GHR: variants seen among roughly 807,000 people sequenced by gnomAD.
GHR encodes the protein GH receptor.
In GHR, 35 loss-of-function variants were observed where a neutral mutation model predicts 67.1. The observed-to-expected ratio is 0.52, with a 90% CI of 0.40 to 0.69. The LOEUF (loss-of-function observed/expected upper bound fraction) is 0.69. Among genes scored for constraint, GHR ranks in the 30% least tolerant of loss-of-function variants. GHR has a pLI of 0.00. For missense variants in GHR, 792 were observed against 764.6 expected (o/e 1.04, Z -0.42); for synonymous variants, 272 against 269.1 (o/e 1.01, Z -0.10).
chr5:42,458,837 C>A (rs1744370264), intron 1 of GHR, among the ~76,000 whole-genome samples: 1 of 152,130 alleles, frequency 6.6e-6, no homozygotes, highest in African/African-American at 2.4e-5. Context: ...CATTAACAGA[C>A]ATTTTTCAAA....
intron 2 of GHR, among the ~76,000 whole-genome samples, chr5:42,571,429 C>A (rs1478709096): frequency 6.6e-6 from 1 of 152,204 alleles, no homozygotes; most frequent in East Asian, 1.9e-4. Flanking sequence ...ATCCCAAAAC[C>A]TTGACAATCC....
chr5:42,590,883 T>C (rs983561220), intron 2 of GHR, among the ~76,000 whole-genome samples: 3 of 152,208 alleles, frequency 2.0e-5, no homozygotes, highest in Non-Finnish European at 2.9e-5. Flanking sequence ...TATCCAGCTG[T>C]GCAATTGTTT....
At chr5:42,556,904 C>G (rs1749341484) in intron 1 of GHR, among the ~76,000 whole-genome samples, 1 of 152,194 alleles carries the variant, frequency 6.6e-6, no homozygotes, top group Admixed American at 6.5e-5. Context: ...GCCCCTTCTT[C>G]TTTCACTCCT....
At chr5:42,647,100 T>C (rs571234930) in intron 3 of GHR, among the ~76,000 whole-genome samples, 1 of 152,154 alleles carries the variant, frequency 6.6e-6, no homozygotes, top group South Asian at 2.1e-4. Context: ...ACTATAATTA[T>C]AGTATGTGGG....
chr5:42,499,225 T>A (rs1746437903), intron 1 of GHR, among the ~76,000 whole-genome samples: 1 of 152,168 alleles, frequency 6.6e-6, no homozygotes, highest in South Asian at 2.1e-4. Flanking sequence ...AAGAGGGCAC[T>A]TGGGACTACT....
intron 1 of GHR, among the ~76,000 whole-genome samples, chr5:42,492,315 A>T (rs1310691978): frequency 6.6e-6 from 1 of 152,234 alleles, no homozygotes; most frequent in African/African-American, 2.4e-5. Context: ...TAGGAAAGAG[A>T]TAAATAAAAT....
rs139962621 is a variant in GHR, at chr5:42,429,041, C to G, written c.-12+5086C>G. Among the ~76,000 whole-genome samples, 755 of 152,298 alleles carry G rather than the reference C, an allele frequency of 5.0e-3. 3 individuals carry two copies. Among genetic ancestry groups the G allele is most frequent in the Admixed American group, 7.7e-3 (118 of 15,294 alleles). Reference sequence around the variant, plus strand: ...TACAGCAGCACCAACTCTACCATTACCAACTTACTATATTAGCCCATTCTC... The same window carrying G: ...TACAGCAGCACCAACTCTACCATTAGCAACTTACTATATTAGCCCATTCTC... On this transcript the variant is annotated intron_variant, in intron 1 of 9. Coordinates refer to ENST00000230882, the MANE Select transcript of GHR (RefSeq NM_000163.5).
At chr5:42,600,882 T>C (rs1451174630) in intron 2 of GHR, among the ~76,000 whole-genome samples, 2 of 152,026 alleles carry the variant, frequency 1.3e-5, no homozygotes, top group Admixed American at 6.6e-5. Context: ...ACTGTTACCG[T>C]TCTGTGTCCA....
At chr5:42,642,286 C>A (rs962790344) in intron 3 of GHR, among the ~76,000 whole-genome samples, 16 of 152,164 alleles carry the variant, frequency 1.1e-4, no homozygotes, top group African/African-American at 3.6e-4. Flanking sequence ...ATGTTGATTT[C>A]TTTCTGTCCT....
intron 2 of GHR, among the ~76,000 whole-genome samples, chr5:42,599,356 C>CT (rs1561156792): frequency 7.9e-4 from 99 of 125,718 alleles, no homozygotes; most frequent in Middle Eastern, 4.1e-3. Context: ...GCCTACAGCA[C>CT]ATTTTTTTTT....
At chr5:42,518,370 A>G (rs1176908857) in intron 1 of GHR, among the ~76,000 whole-genome samples, 1 of 152,096 alleles carries the variant, frequency 6.6e-6, no homozygotes, top group East Asian at 1.9e-4. Flanking sequence ...ACATATGCTT[A>G]GGAAACAGAG....
chr5:42,546,395 C>T (rs1012888694), intron 1 of GHR, among the ~76,000 whole-genome samples: 2 of 152,146 alleles, frequency 1.3e-5, no homozygotes, highest in Admixed American at 6.5e-5. Context: ...AGTGGTCCAG[C>T]CCATCAGCAT....
intron 1 of GHR, among the ~76,000 whole-genome samples, chr5:42,473,083 T>C (rs552083163): frequency 6.6e-6 from 1 of 152,348 alleles, no homozygotes; most frequent in African/African-American, 2.4e-5. Context: ...TTTTTCTCTG[T>C]AGATAGAAAG....
At chr5:42,674,869 G>T (rs1481053230) in intron 3 of GHR, among the ~76,000 whole-genome samples, 1 of 152,126 alleles carries the variant, frequency 6.6e-6, no homozygotes, top group African/African-American at 2.4e-5. Flanking sequence ...ATACCTAGGA[G>T]CAGAATTGCA....
chr5:42,648,166 C>T (rs570904249), intron 3 of GHR, among the ~76,000 whole-genome samples: 62 of 152,284 alleles, frequency 4.1e-4, no homozygotes, highest in African/African-American at 1.5e-3. Flanking sequence ...ATTTCCAACA[C>T]AGGAATTTTT....
chr5:42,525,488 AGGC>A (rs1747668018), intron 1 of GHR, among the ~76,000 whole-genome samples: 1 of 152,232 alleles, frequency 6.6e-6, no homozygotes, highest in Non-Finnish European at 1.5e-5. Context: ...ACAGGCTTAT[AGGC>A]AGAAAAGATT....
intron 1 of GHR, among the ~76,000 whole-genome samples, chr5:42,517,200 T>C (rs1351585248): frequency 1.3e-5 from 2 of 152,224 alleles, no homozygotes; most frequent in Non-Finnish European, 2.9e-5. Flanking sequence ...ACCAATGGAC[T>C]AATTGGAGGG....
rs560245790 is a variant in GHR at position 42,634,366 on chromosome 5, T to C, written c.136+5263T>C. On this transcript the variant is annotated intron_variant, in intron 3 of 9. Transcript: ENST00000230882. ...ATTGGACCCTAAAATCATTATGTCTTTTGGTTCAACCAAATGTAGTGCTTT... is the reference window on the plus strand; with the variant it reads ...ATTGGACCCTAAAATCATTATGTCTCTTGGTTCAACCAAATGTAGTGCTTT... Among the ~76,000 whole-genome samples the C allele has an allele frequency of 2.3e-4, 35 of 152,240 alleles. 4 individuals carry two copies. Among genetic ancestry groups the C allele is most frequent in the African/African-American group, 8.0e-4 (33 of 41,498 alleles).
chr5:42,448,421 T>C (rs1345260469), intron 1 of GHR, among the ~76,000 whole-genome samples: 1 of 152,052 alleles, frequency 6.6e-6, no homozygotes. Flanking sequence ...TCATGTCCTT[T>C]GCCCACTTTT....
Sources: gnomAD v4.1 joint callset for allele counts (sites outside exome capture counted in the v4.1 genomes callset) on GRCh38, gnomAD v4.1.1 for gene constraint, MANE v1.5 for transcripts, NCBI Gene and HGNC (gene_info 2026-07-23, HGNC 2026-07-21) for gene names.